Variants in ATG7 observed in about 807,000 individuals in gnomAD.
The protein encoded by ATG7 is autophagy related 7.
ATG7 carries 70 observed loss-of-function variants against 82.4 expected under a neutral mutation model. That is an observed-to-expected ratio of 0.85 (90% CI 0.70 to 1.04). The LOEUF (loss-of-function observed/expected upper bound fraction) is 1.04, where lower values mean the gene tolerates loss of function less well. Ranked by LOEUF, ATG7 falls within the 50% of genes least tolerant of loss-of-function variation. The pLI is 0.00. For synonymous variants in ATG7, 287 were observed against 313.0 expected (o/e 0.92, Z 0.88); for missense variants, 792 against 864.3 (o/e 0.92, Z 1.05).
intron 20 of ATG7, among the ~76,000 whole-genome samples, chr3:11,461,929 C>G (rs924100895): frequency 1.3e-5 from 2 of 151,880 alleles, no homozygotes; most frequent in African/African-American, 4.8e-5. Flanking sequence ...ACTCAGGAGG[C>G]TGAGGCAGGA....
chr3:11,388,245 C>G (rs1284733552), intron 19 of ATG7, among the ~76,000 whole-genome samples: 1 of 152,058 alleles, frequency 6.6e-6, no homozygotes, highest in African/African-American at 2.4e-5. Context: ...TTTTGTGTCT[C>G]TGAGATTGTG....
At chr3:11,394,735 C>G (rs976916552) in intron 19 of ATG7, among the ~76,000 whole-genome samples, 1 of 152,150 alleles carries the variant, frequency 6.6e-6, no homozygotes, top group East Asian at 1.9e-4. Context: ...GCCCGGAAAC[C>G]GTAAGGCTTC....
chr3:11,464,602 C>A (rs2086650562), intron 20 of ATG7, among the ~76,000 whole-genome samples: 1 of 152,154 alleles, frequency 6.6e-6, no homozygotes, highest in Non-Finnish European at 1.5e-5. Flanking sequence ...CCTGGGAATG[C>A]CAGATGGACT....
chr3:11,335,372 G>T (rs547321282), intron 11 of ATG7, among the ~76,000 whole-genome samples: 1 of 152,258 alleles, frequency 6.6e-6, no homozygotes, highest in African/African-American at 2.4e-5. Flanking sequence ...TAACACTAAT[G>T]ATAGCTGATG....
chr3:11,558,381 G>T, downstream of ATG7: 1 of 1,082,166 alleles, frequency 9.2e-7, no homozygotes, highest in South Asian at 1.7e-5. Flanking sequence ...CCCTTGTACG[G>T]ATACCAAGCA....
chr3:11,323,144 T>G (rs1247320357), intron 9 of ATG7, among the ~76,000 whole-genome samples: 2 of 152,140 alleles, frequency 1.3e-5, no homozygotes, highest in Non-Finnish European at 2.9e-5. Flanking sequence ...GGTGTGCTGG[T>G]AAATGTTTAA....
rs148791427 is a variant in ATG7 at position 11,399,102 on chromosome 3, C to T, written c.1956+19050C>T. On this transcript the variant is annotated intron_variant, in intron 19 of 20. Transcript: ENST00000693202. Reference sequence around the variant, plus strand: ...GTGGCTCACGCCTGTAATCCCAGCACTTGGGGAGGCTGAGATAGGCGGATC... The same window carrying T: ...GTGGCTCACGCCTGTAATCCCAGCATTTGGGGAGGCTGAGATAGGCGGATC... Among the ~76,000 whole-genome samples, 5 of 152,280 alleles carry T rather than the reference C, an allele frequency of 3.3e-5. No homozygotes were observed. The South Asian group carries it at 8.3e-4, about 25-fold the overall frequency.
At chr3:11,399,138 A>G (rs975652955) in intron 19 of ATG7, among the ~76,000 whole-genome samples, 8 of 152,222 alleles carry the variant, frequency 5.3e-5, no homozygotes, top group Admixed American at 1.3e-4. Flanking sequence ...ACTTAAGGCC[A>G]GGCATTCAAG....
At chr3:11,308,348 T>G (rs1384473104) in intron 6 of ATG7, 2 of 152,408 alleles carry the variant, frequency 1.3e-5, no homozygotes, top group Non-Finnish European at 2.9e-5. Context: ...ACTTGCTGAG[T>G]ATACATAAAT....
rs766171858 is a variant in ATG7 at position 11,331,412 on chromosome 3, C to T, written c.751C>T (p.Leu251=). ...PGWPLRNFLV[L]AAHRWSSSFQ... ...ATGGCCTTTGAGGAATTTTTTGGTC[C>T]TAGCAGCCCACAGATGGTATTTACA... The change falls in exon 10 of 21, where the codon CTA becomes TTA. Residue 251 remains leucine (L), a synonymous_variant. Transcript: ENST00000693202. 6.2e-7 allele frequency: 1 copy of T among 1,607,802 alleles called. No individual in the cohort carries two copies. The highest frequency in any genetic ancestry group is 8.5e-7 in the Non-Finnish European group (1 of 1,174,246).
chr3:11,491,152 T>C (rs1258301181), intron 20 of ATG7, among the ~76,000 whole-genome samples: 1 of 152,246 alleles, frequency 6.6e-6, no homozygotes, highest in Non-Finnish European at 1.5e-5. Flanking sequence ...CCCATATTTC[T>C]TGGAGGCTTT....
chr3:11,385,204 AT>A (rs1377453601), intron 19 of ATG7, among the ~76,000 whole-genome samples: 1 of 151,886 alleles, frequency 6.6e-6, no homozygotes, highest in Non-Finnish European at 1.5e-5. Flanking sequence ...TAATTTTTGT[AT>A]TTTCAGTAGA....
At chr3:11,300,488 A>G (rs1946622321) in intron 5 of ATG7, among the ~76,000 whole-genome samples, 1 of 152,214 alleles carries the variant, frequency 6.6e-6, no homozygotes, top group South Asian at 2.1e-4. Flanking sequence ...TAGAGAAACC[A>G]GGAGGGGGAT....
chr3:11,486,842 ATTTATTTT>A (rs1166917248), intron 20 of ATG7, among the ~76,000 whole-genome samples: 2 of 113,450 alleles, frequency 1.8e-5, no homozygotes, highest in African/African-American at 3.9e-5. Flanking sequence ...TTTTTTTTTA[ATTTATTTT>A]TTTATTGATA....
the ATG7 span, among the ~76,000 whole-genome samples, chr3:11,567,481 G>A: frequency 6.6e-6 from 1 of 152,198 alleles, no homozygotes; most frequent in Non-Finnish European, 1.5e-5. Context: ...GGAAGAGAAT[G>A]TTCTGGCAGA....
intron 3 of ATG7, among the ~76,000 whole-genome samples, chr3:11,284,930 T>C (rs1245002385): frequency 6.6e-6 from 1 of 150,652 alleles, no homozygotes; most frequent in East Asian, 2.0e-4. Flanking sequence ...CACTGCAAGC[T>C]CCGCCTCCCG....
chr3:11,541,381 G>A (rs1258734161), intron 20 of ATG7, among the ~76,000 whole-genome samples: 2 of 152,128 alleles, frequency 1.3e-5, no homozygotes, highest in Non-Finnish European at 2.9e-5. Flanking sequence ...TCACCTGCCC[G>A]TGTTTGTGGG....
At chr3:11,507,099 T>C (rs1277838780) in intron 20 of ATG7, among the ~76,000 whole-genome samples, 2 of 152,038 alleles carry the variant, frequency 1.3e-5, no homozygotes, top group Non-Finnish European at 2.9e-5. Flanking sequence ...AGGCCCAACA[T>C]AGTGAAACCC....
At chr3:11,346,471 TC>T in intron 13 of ATG7, 1 of 152,338 alleles carries the variant, frequency 6.6e-6, no homozygotes. Flanking sequence ...GATGATTTTC[TC>T]CCTACCACAT....
Sources: gnomAD v4.1 joint callset for allele counts (sites outside exome capture counted in the v4.1 genomes callset) on GRCh38, gnomAD v4.1.1 for gene constraint, MANE v1.5 for transcripts, NCBI Gene and HGNC (gene_info 2026-07-23, HGNC 2026-07-21) for gene names.